Variants in NHSL3 observed in about 807,000 individuals in gnomAD.
The protein encoded by NHSL3 is NHS-like protein 3.
chr1:32,767,963 C>A, the NHSL3 span: 1 of 1,612,618 alleles, frequency 6.2e-7, no homozygotes, highest in Non-Finnish European at 8.5e-7. Context: ...CCAAGGTAAG[C>A]TTCCTCTCCA....
At chr1:32,748,371 A>G in the NHSL3 span, among the ~76,000 whole-genome samples, 1 of 152,116 alleles carries the variant, frequency 6.6e-6, no homozygotes, top group Non-Finnish European at 1.5e-5. Context: ...AGGGGCCTAG[A>G]TAGTTCCAAA....
the NHSL3 span, chr1:32,765,969 C>T: frequency 2.1e-5 from 17 of 814,516 alleles, no homozygotes; most frequent in African/African-American, 2.9e-4. Context: ...ATCTCCCATC[C>T]GGCTGTGCTT....
chr1:32,759,756 T>G, the NHSL3 span, among the ~76,000 whole-genome samples: 2 of 152,138 alleles, frequency 1.3e-5, no homozygotes, highest in African/African-American at 2.4e-5. Context: ...CCCATTAACT[T>G]TCTCAGACTT....
the NHSL3 span, among the ~76,000 whole-genome samples, chr1:32,747,328 C>T: frequency 2.6e-5 from 4 of 152,068 alleles, no homozygotes; most frequent in East Asian, 3.9e-4. Context: ...GTGAGTGCCA[C>T]CGTGCCTGGC....
At chr1:32,770,349 C>G in the NHSL3 span, 1 of 1,611,100 alleles carries the variant, frequency 6.2e-7, no homozygotes, top group South Asian at 1.1e-5. The surrounding 1 kb of genome is among the most constrained non-coding windows in gnomAD (Gnocchi z 8.3). Context: ...CAGCCTCAGT[C>G]CGCTCGCTGG....
At chr1:32,754,431 A>G in the NHSL3 span, among the ~76,000 whole-genome samples, 1 of 151,618 alleles carries the variant, frequency 6.6e-6, no homozygotes, top group African/African-American at 2.4e-5. Context: ...GGACACGCAG[A>G]CACAGGATCA....
the NHSL3 span, chr1:32,741,986 C>A: frequency 8.5e-7 from 1 of 1,182,700 alleles, no homozygotes; most frequent in Non-Finnish European, 1.0e-6. The surrounding 1 kb of genome is among the most constrained non-coding windows in gnomAD (Gnocchi z 4.3). Flanking sequence ...GCCGCACCTG[C>A]GGCCGAGGAG....
chr1:32,767,675 A>G, the NHSL3 span: 1 of 864,050 alleles, frequency 1.2e-6, no homozygotes, highest in Non-Finnish European at 1.8e-6. Context: ...TTGCTTGTAT[A>G]TGCAATGGCC....
the NHSL3 span, among the ~76,000 whole-genome samples, chr1:32,761,726 C>G: frequency 6.6e-6 from 1 of 152,264 alleles, no homozygotes; most frequent in East Asian, 1.9e-4. Context: ...TCACCACGAC[C>G]TGGCATGGTG....
chr1:32,746,908 T>C, the NHSL3 span, among the ~76,000 whole-genome samples: 1 of 152,134 alleles, frequency 6.6e-6, no homozygotes, highest in Non-Finnish European at 1.5e-5. Context: ...TCTTGTGCAG[T>C]GGGCAGCGGC....
At chr1:32,762,683 G>A in the NHSL3 span, among the ~76,000 whole-genome samples, 4 of 151,928 alleles carry the variant, frequency 2.6e-5, no homozygotes, top group Non-Finnish European at 4.4e-5. Flanking sequence ...TCTGCCTCCC[G>A]GATTCAAGCG....
the NHSL3 span, among the ~76,000 whole-genome samples, chr1:32,748,717 A>C: frequency 6.6e-6 from 1 of 152,112 alleles, no homozygotes; most frequent in African/African-American, 2.4e-5. Flanking sequence ...CAGTGTCCTT[A>C]CCTGGGGCCT....
At chr1:32,765,697 T>C in the NHSL3 span, 2 of 1,540,104 alleles carry the variant, frequency 1.3e-6, no homozygotes, top group Non-Finnish European at 1.7e-6. Flanking sequence ...TGGGTTACAG[T>C]GAAGGTACGC....
chr1:32,741,996 GC>G, the NHSL3 span: 1 of 1,203,608 alleles, frequency 8.3e-7, no homozygotes. This position sits in a 1 kb window ranked among gnomAD's most constrained non-coding sequence, Gnocchi z 4.3. Context: ...CGGCCGAGGA[GC>G]CGGGGAACCC....
chr1:32,745,394 C>T, the NHSL3 span, among the ~76,000 whole-genome samples: 1 of 151,610 alleles, frequency 6.6e-6, no homozygotes, highest in Non-Finnish European at 1.5e-5. Flanking sequence ...CCTGTCTCTA[C>T]TAAAAATACA....
At chr1:32,768,609 C>T in the NHSL3 span, 1 of 1,609,244 alleles carries the variant, frequency 6.2e-7, no homozygotes, top group Non-Finnish European at 8.5e-7. Context: ...AATGGGGAGC[C>T]TTGAGGAGAC....
At chr1:32,769,277 A>G in the NHSL3 span, among the ~76,000 whole-genome samples, 1 of 152,114 alleles carries the variant, frequency 6.6e-6, no homozygotes, top group South Asian at 2.1e-4. Context: ...AAAAAGAGTT[A>G]GAAAATCTTA....
the NHSL3 span, among the ~76,000 whole-genome samples, chr1:32,766,180 G>A: frequency 6.6e-6 from 1 of 152,100 alleles, no homozygotes; most frequent in African/African-American, 2.4e-5. Flanking sequence ...TGGGACGTGG[G>A]CGGCCCAGAA....
the NHSL3 span, among the ~76,000 whole-genome samples, chr1:32,745,968 C>T: frequency 2.0e-5 from 3 of 151,990 alleles, no homozygotes; most frequent in Non-Finnish European, 2.9e-5. Context: ...CGGTGGCTCA[C>T]GCCTGTAATC....
Sources: gnomAD v4.1 joint callset for allele counts (sites outside exome capture counted in the v4.1 genomes callset) on GRCh38, gnomAD v4.1.1 for gene constraint, Gnocchi (gnomAD v3.1) non-coding constraint, MANE v1.5 for transcripts, NCBI Gene and HGNC (gene_info 2026-07-23, HGNC 2026-07-21) for gene names.